The following RBFOX3 variants were observed in gnomAD, a reference collection of about 807,000 sequenced individuals.
RBFOX3 encodes the protein RNA binding protein fox-1 homolog 3.
In RBFOX3, 17 loss-of-function variants were observed where a neutral mutation model predicts 48.7. The observed-to-expected ratio is 0.35, with a 90% CI of 0.24 to 0.52. The LOEUF is 0.52. Among genes scored for constraint, RBFOX3 ranks in the 20% least tolerant of loss-of-function variants. The pLI is 0.94. For missense variants in RBFOX3, 382 were observed against 497.5 expected, an observed-to-expected ratio of 0.77 and a Z score of 2.21; for synonymous variants, 212 against 209.5, an observed-to-expected ratio of 1.01 and a Z score of -0.10.
At chr17:79,345,095 T>C (rs2082682288) in intron 2 of RBFOX3, among the ~76,000 whole-genome samples, 1 of 152,246 alleles carries the variant, frequency 6.6e-6, no homozygotes, top group Admixed American at 6.5e-5. Context: ...CTCTGTTGTT[T>C]TTGCTGAACT....
At chr17:79,589,853 T>C (rs2093366452) in intron 1 of RBFOX3, among the ~76,000 whole-genome samples, 1 of 152,122 alleles carries the variant, frequency 6.6e-6, no homozygotes, top group Admixed American at 6.5e-5. Flanking sequence ...AGTTCAATGG[T>C]GGACACCAGC....
Position 79,145,504 on chromosome 17 carries a change from C to G in RBFOX3, c.-33-29756G>C, listed in dbSNP as rs531948352. Among the ~76,000 whole-genome samples, 158 of 152,346 alleles carry G rather than the reference C, an allele frequency of 1.0e-3. 1 individual carries two copies. The highest frequency in any genetic ancestry group is 3.6e-3 in the African/African-American group (149 of 41,588). ...CCAATGTGCAACCGAGTTTGGGAAG[C>G]ACCTGCTCTCCGTGTTCTCCGGAGC... On this transcript the variant is annotated intron_variant, in intron 4 of 14. Transcript: ENST00000693108.
At chr17:79,393,028 A>T (rs1437724008) in intron 2 of RBFOX3, among the ~76,000 whole-genome samples, 4 of 152,224 alleles carry the variant, frequency 2.6e-5, no homozygotes. Flanking sequence ...ATGGAGACCA[A>T]AGCCCCAACT....
intron 4 of RBFOX3, among the ~76,000 whole-genome samples, chr17:79,166,879 T>C (rs974413450): frequency 2.0e-5 from 3 of 152,188 alleles, no homozygotes; most frequent in African/African-American, 4.8e-5. Context: ...AGTCACCGAA[T>C]TGCACACCTG....
chr17:79,559,760 G>T (rs898273949), intron 1 of RBFOX3, among the ~76,000 whole-genome samples: 4 of 149,768 alleles, frequency 2.7e-5, no homozygotes, highest in African/African-American at 9.9e-5. Context: ...TGGATGGATG[G>T]GTGGATGGTG....
chr17:79,645,163 C>T, the RBFOX3 span, among the ~76,000 whole-genome samples: 3 of 152,242 alleles, frequency 2.0e-5, no homozygotes, highest in Non-Finnish European at 2.9e-5. Context: ...AGCCCCCGAA[C>T]GGTCTCCCCA....
At chr17:79,331,879 C>T (rs1018748117) in intron 2 of RBFOX3, among the ~76,000 whole-genome samples, 12 of 152,194 alleles carry the variant, frequency 7.9e-5, no homozygotes, top group Non-Finnish European at 1.0e-4. Context: ...CGGAGGGTCC[C>T]GACCACCCAG....
At chr17:79,302,513 C>T (rs2145386286) in intron 3 of RBFOX3, among the ~76,000 whole-genome samples, 1 of 152,268 alleles carries the variant, frequency 6.6e-6, no homozygotes, top group South Asian at 2.1e-4. Flanking sequence ...AACCCCTTCT[C>T]TACTAAAAAT....
At chr17:79,301,576 A>T (rs1044022799) in intron 3 of RBFOX3, among the ~76,000 whole-genome samples, 5 of 152,178 alleles carry the variant, frequency 3.3e-5, no homozygotes, top group African/African-American at 7.2e-5. Flanking sequence ...GGGGAGGAGC[A>T]CCTCGCTGGA....
chr17:79,523,887 CCTCTCCA>C (rs1397114115), intron 1 of RBFOX3, among the ~76,000 whole-genome samples: 2 of 152,190 alleles, frequency 1.3e-5, no homozygotes, highest in Non-Finnish European at 2.9e-5. Context: ...TCCCCCACAG[CCTCTCCA>C]CACCGTGTAT....
intron 4 of RBFOX3, among the ~76,000 whole-genome samples, chr17:79,182,570 CTGATGCT>C (rs897838264): frequency 1.6e-3 from 248 of 151,708 alleles, no homozygotes; most frequent in African/African-American, 5.9e-3. Context: ...CAGGCGGCTG[CTGATGCT>C]CTGTGCGCAC....
chr17:79,308,507 G>A (rs939293624), intron 2 of RBFOX3, among the ~76,000 whole-genome samples: 4 of 152,160 alleles, frequency 2.6e-5, no homozygotes, highest in African/African-American at 9.7e-5. Context: ...AACGTCAAGG[G>A]GGCACCTGGC....
rs2076729925 is a variant in RBFOX3 at position 79,310,692 on chromosome 17, G to A, written c.-174-2868C>T. Among the ~76,000 whole-genome samples the A allele has an allele frequency of 2.0e-5, 3 of 152,176 alleles. No individual in the cohort carries two copies. The South Asian group carries it at 6.2e-4, about 32-fold the overall frequency. On this transcript the variant is annotated intron_variant, in intron 2 of 14. Coordinates refer to ENST00000693108, the MANE Select transcript of RBFOX3 (RefSeq NM_001350451.2). ...CCTCTGCCCGGGCCCTTCTGTGGAG[G>A]GAGCACCGCTCTGTTGCTCACCGAT...
At chr17:79,322,834 C>A (rs1340678179) in intron 2 of RBFOX3, among the ~76,000 whole-genome samples, 1 of 152,190 alleles carries the variant, frequency 6.6e-6, no homozygotes, top group Non-Finnish European at 1.5e-5. Flanking sequence ...CACTGGAGCT[C>A]CCCAAGTCCC....
chr17:79,355,991 C>T (rs2084909925), intron 2 of RBFOX3, among the ~76,000 whole-genome samples: 1 of 152,236 alleles, frequency 6.6e-6, no homozygotes, highest in South Asian at 2.1e-4. Context: ...CATAGTCTGA[C>T]ATCTGGCTCA....
intron 3 of RBFOX3, among the ~76,000 whole-genome samples, chr17:79,286,719 A>C (rs369576618): frequency 6.6e-6 from 1 of 152,170 alleles, no homozygotes; most frequent in African/African-American, 2.4e-5. Context: ...AAGAATGGGA[A>C]AGGGTAGGGC....
At chr17:79,094,322 C>A (rs959333376) in intron 14 of RBFOX3, 129 bp downstream of exon 14, 5 of 609,162 alleles carry the variant, frequency 8.2e-6, no homozygotes, top group Non-Finnish European at 1.3e-5. Flanking sequence ...ACATCCAGGC[C>A]GTGGTCCTTC....
intron 1 of RBFOX3, among the ~76,000 whole-genome samples, chr17:79,608,621 G>C (rs1377722009): frequency 2.6e-5 from 4 of 152,136 alleles, no homozygotes; most frequent in Non-Finnish European, 5.9e-5. Context: ...CTCGGCTTGG[G>C]TGCGTCCCTT....
intron 2 of RBFOX3, among the ~76,000 whole-genome samples, chr17:79,400,407 G>A (rs190101018): frequency 6.6e-5 from 10 of 152,308 alleles, no homozygotes; most frequent in African/African-American, 2.2e-4. Context: ...TTCACACGGC[G>A]TTTTTGTCTT....
Sources: gnomAD v4.1 joint callset for allele counts (sites outside exome capture counted in the v4.1 genomes callset) on GRCh38, gnomAD v4.1.1 for gene constraint, MANE v1.5 for transcripts, NCBI Gene and HGNC (gene_info 2026-07-23, HGNC 2026-07-21) for gene names.